FOXP2: variants seen among roughly 807,000 people sequenced by gnomAD.
FOXP2 encodes the protein forkhead box protein P2.
Under a neutral mutation model 115.8 loss-of-function variants are expected in FOXP2, and 12 were observed. The ratio of observed to expected loss-of-function variants is 0.10; its 90% CI spans 0.07 to 0.17. FOXP2 has a LOEUF of 0.17. Ranked by LOEUF, FOXP2 falls within the 10% of genes least tolerant of loss-of-function variation. The probability of loss-of-function intolerance (pLI) is 1.00; values close to 1 mark genes in which losing one functional copy is unlikely to be tolerated. For synonymous variants in FOXP2, 328 were observed against 297.7 expected, an observed-to-expected ratio of 1.10 and a Z score of -1.05; for missense variants, 629 against 843.5, an observed-to-expected ratio of 0.75 and a Z score of 3.15.
At chr7:114,407,446 C>T (rs1035748226) in intron 2 of FOXP2, among the ~76,000 whole-genome samples, 7 of 151,932 alleles carry the variant, frequency 4.6e-5, no homozygotes, top group Non-Finnish European at 1.0e-4. Context: ...AAACAACAAA[C>T]CTGGTGCTAA....
rs543203826 is a variant in FOXP2, at chr7:114,542,877, G to A, written c.258+8171G>A. Among the ~76,000 whole-genome samples the A allele has an allele frequency of 1.5e-4, 23 of 149,894 alleles. No homozygotes were observed. In the East Asian group the frequency reaches 4.3e-3, roughly 28 times the overall value. ...AAGATTTCCTCTCACTGCAACATCTGCCTCCTGGGTTCAAGAAATTCTCCT... is the reference window on the plus strand; with the variant it reads ...AAGATTTCCTCTCACTGCAACATCTACCTCCTGGGTTCAAGAAATTCTCCT... On this transcript the variant is annotated intron_variant, in intron 3 of 16. Transcript: ENST00000350908.
chr7:114,457,114 A>T (rs796275463), intron 2 of FOXP2, among the ~76,000 whole-genome samples: 23 of 152,132 alleles, frequency 1.5e-4, no homozygotes, highest in African/African-American at 5.5e-4. Context: ...TAGTTATAAT[A>T]CCCACCATAT....
intron 2 of FOXP2, among the ~76,000 whole-genome samples, chr7:114,339,956 C>T (rs1791160135): frequency 6.6e-6 from 1 of 150,918 alleles, no homozygotes. Context: ...TTTGCTTTGC[C>T]TTGCTTTTGC....
At chr7:114,402,012 C>T (rs1006702385) in intron 2 of FOXP2, among the ~76,000 whole-genome samples, 4 of 152,188 alleles carry the variant, frequency 2.6e-5, no homozygotes, top group African/African-American at 7.2e-5. Flanking sequence ...ATCCCAGCTA[C>T]TTGGGAGACT....
intron 1 of FOXP2, among the ~76,000 whole-genome samples, chr7:114,204,440 C>CT (rs1282795383): frequency 6.6e-6 from 1 of 152,128 alleles, no homozygotes; most frequent in Admixed American, 6.6e-5. Flanking sequence ...TAGAAAAAGT[C>CT]TGAGAACTGA....
intron 2 of FOXP2, among the ~76,000 whole-genome samples, chr7:114,342,691 GTCAAAAGCTTGTCCTT>G (rs1791246830): frequency 6.6e-6 from 1 of 151,368 alleles, no homozygotes; most frequent in South Asian, 2.1e-4. Flanking sequence ...GGTTATTCCT[GTCAAAAGCTTGTCCTT>G]TCAACAGTCT....
chr7:114,139,770 C>A (rs1478933463), intron 1 of FOXP2, among the ~76,000 whole-genome samples: 1 of 152,014 alleles, frequency 6.6e-6, no homozygotes, highest in African/African-American at 2.4e-5. Context: ...GCTTTCTAAT[C>A]CTCAAATAAC....
intron 8 of FOXP2, among the ~76,000 whole-genome samples, chr7:114,648,642 T>C (rs1439681934): frequency 6.6e-6 from 1 of 152,150 alleles, no homozygotes; most frequent in Non-Finnish European, 1.5e-5. Flanking sequence ...TCCTACTTTT[T>C]GTCTTCCTGA....
intron 2 of FOXP2, among the ~76,000 whole-genome samples, chr7:114,302,112 G>T (rs1401761539): frequency 6.6e-6 from 1 of 152,102 alleles, no homozygotes; most frequent in Non-Finnish European, 1.5e-5. Flanking sequence ...TAATTATCAT[G>T]ATTACTTAAC....
intron 1 of FOXP2, among the ~76,000 whole-genome samples, chr7:114,140,325 A>G (rs111475262): frequency 0.011 from 1,657 of 152,264 alleles, 33 homozygotes; most frequent in African/African-American, 0.038. Flanking sequence ...AGGTGATGCT[A>G]ATAGGCAGAG....
intron 3 of FOXP2, among the ~76,000 whole-genome samples, chr7:114,612,882 T>G (rs528213196): frequency 2.0e-5 from 3 of 152,320 alleles, no homozygotes; most frequent in Admixed American, 2.0e-4. Context: ...TCAGAATTCT[T>G]GCTTACTAAT....
chr7:114,086,427 C>T (rs956607944), upstream of FOXP2: 2 of 344,942 alleles, frequency 5.8e-6, no homozygotes, highest in Non-Finnish European at 1.1e-5. Context: ...ACGCCCGCCC[C>T]GGTTATTTAT....
intron 2 of FOXP2, among the ~76,000 whole-genome samples, chr7:114,529,261 A>G (rs1384514311): frequency 1.3e-5 from 2 of 151,828 alleles, no homozygotes; most frequent in Non-Finnish European, 2.9e-5. Flanking sequence ...TATTTCATAG[A>G]ATTTCTGAGG....
At position 114,303,935 on chromosome 7, in the gene FOXP2, C is replaced by A. The variant is rs369534846; in HGVS notation, c.-11+15826C>A. Among the ~76,000 whole-genome samples the A allele has an allele frequency of 2.3e-4, 35 of 151,926 alleles. No homozygotes were observed. In the South Asian group the frequency reaches 5.6e-3, roughly 24 times the overall value. ...ACATTTTATGGCTGCAGGCTTTATA[C>A]CTTTATGAAATATTTCATAATTTTT... On this transcript the variant is annotated intron_variant, in intron 2 of 17. Coordinates refer to the FOXP2 transcript ENST00000634411.
chr7:114,250,023 C>T (rs905565108), intron 1 of FOXP2, among the ~76,000 whole-genome samples: 1 of 145,824 alleles, frequency 6.9e-6, no homozygotes, highest in Admixed American at 7.0e-5. Flanking sequence ...TGTTCAATTA[C>T]CACCTAAGAG....
chr7:114,420,415 CT>C (rs1184901819), intron 1 of FOXP2, among the ~76,000 whole-genome samples: 1 of 151,902 alleles, frequency 6.6e-6, no homozygotes, highest in Non-Finnish European at 1.5e-5. Context: ...TACATTTTTA[CT>C]GTTAAATTCT....
chr7:114,222,622 G>T (rs894929494), intron 1 of FOXP2, among the ~76,000 whole-genome samples: 3 of 152,162 alleles, frequency 2.0e-5, no homozygotes, highest in Non-Finnish European at 2.9e-5. Context: ...ACATTATAAG[G>T]TTGTAGTAGA....
intron 1 of FOXP2, among the ~76,000 whole-genome samples, chr7:114,280,192 G>A (rs957627702): frequency 1.3e-5 from 2 of 151,850 alleles, no homozygotes; most frequent in African/African-American, 4.8e-5. Flanking sequence ...CCTCAACTGA[G>A]CACATGCCCC....
chr7:114,253,374 C>G (rs529196800), intron 1 of FOXP2, among the ~76,000 whole-genome samples: 78 of 152,018 alleles, frequency 5.1e-4, no homozygotes, highest in Non-Finnish European at 7.9e-4. Context: ...GTTGATCTGT[C>G]TAATGTTGAC....
Sources: gnomAD v4.1 joint callset for allele counts (sites outside exome capture counted in the v4.1 genomes callset) on GRCh38, gnomAD v4.1.1 for gene constraint, MANE v1.5 for transcripts, NCBI Gene and HGNC (gene_info 2026-07-23, HGNC 2026-07-21) for gene names.